The following BAZ1B variants were observed in gnomAD, a reference collection of about 807,000 sequenced individuals.
BAZ1B encodes the protein tyrosine-protein kinase BAZ1B.
BAZ1B carries 22 observed loss-of-function variants against 153.8 expected under a neutral mutation model. The observed-to-expected ratio is 0.14, with a 90% CI of 0.10 to 0.20. BAZ1B has a LOEUF of 0.20. BAZ1B is among the 10% of genes least tolerant of loss of function. BAZ1B has a pLI of 1.00. For synonymous variants in BAZ1B, 676 were observed against 633.4 expected (o/e 1.07, Z -1.01); for missense variants, 1,325 against 1,799.3 (o/e 0.74, Z 4.77).
At chr7:73,507,761 G>A (rs1250597408) in intron 3 of BAZ1B, among the ~76,000 whole-genome samples, 1 of 152,236 alleles carries the variant, frequency 6.6e-6, no homozygotes, top group East Asian at 1.9e-4. Flanking sequence ...CTACTCAGAA[G>A]GCTGAGGTGG....
intron 1 of BAZ1B, among the ~76,000 whole-genome samples, chr7:73,513,354 A>T (rs955059476): frequency 6.6e-6 from 1 of 152,258 alleles, no homozygotes; most frequent in Non-Finnish European, 1.5e-5. Flanking sequence ...AACTTTATGC[A>T]ATAGTATAAG....
chr7:73,445,063 T>G (rs1787781123), intron 16 of BAZ1B, among the ~76,000 whole-genome samples: 1 of 151,930 alleles, frequency 6.6e-6, no homozygotes, highest in African/African-American at 2.4e-5. Context: ...GCACTGAGAC[T>G]ACTTGTGTCT....
At position 73,440,992 on chromosome 7, in the gene BAZ1B, C is replaced by G. The variant is rs1554564664; in HGVS notation, c.*717G>C. 1 of 152,520 alleles carries G rather than the reference C, an allele frequency of 6.6e-6. No homozygotes were observed. The highest frequency in any genetic ancestry group is 2.1e-4 in the South Asian group (1 of 4,826). 9.4% of individuals were successfully genotyped at this position (152,520 alleles called of 1,614,324 possible). On this transcript the variant is annotated 3_prime_UTR_variant, in exon 20 of 20. Transcript: ENST00000339594. ...GAAGGGGCTCTCAGAGCTTCTCTGC[C>G]GCTCTCTCCTCCCACCCCCCACCGA...
chr7:73,505,723 G>C (rs573774254), intron 3 of BAZ1B, among the ~76,000 whole-genome samples: 3 of 152,148 alleles, frequency 2.0e-5, no homozygotes, highest in South Asian at 4.1e-4. Context: ...GCTAATTTTT[G>C]TATTTTTTGG....
Position 73,444,142 on chromosome 7 carries a change from C to G in BAZ1B, c.3845-13G>C, listed in dbSNP as rs781843021. On this transcript the variant is annotated splice_polypyrimidine_tract_variant and intron_variant, in intron 16 of 19. Transcript: ENST00000339594. Reference sequence around the variant, plus strand: ...TTTCGAGGTCTCACTGAAAGAAAAACTATGGATTCAGCAGAGAACAACGGA... The same window carrying G: ...TTTCGAGGTCTCACTGAAAGAAAAAGTATGGATTCAGCAGAGAACAACGGA... 6.3e-7 allele frequency: 1 copy of G among 1,586,272 alleles called. No individual in the cohort carries two copies. The highest frequency in any genetic ancestry group is 8.6e-7 in the Non-Finnish European group (1 of 1,167,522).
chr7:73,442,914 A>T, intron 17 of BAZ1B, 86 bp from the exon 18 acceptor site: 1 of 1,006,538 alleles, frequency 9.9e-7, no homozygotes, highest in South Asian at 1.4e-5. Context: ...ATCTGCTCAA[A>T]AAAGGAAGAG....
At chr7:73,466,861 T>C (rs1554571236) in intron 9 of BAZ1B, among the ~76,000 whole-genome samples, 1 of 152,210 alleles carries the variant, frequency 6.6e-6, no homozygotes, top group African/African-American at 2.4e-5. Context: ...TACGTGACTT[T>C]AACATAGATA....
Position 73,447,307 on chromosome 7 carries a change from T to C in BAZ1B, c.3801A>G (p.Glu1267=), listed in dbSNP as rs190533465. 11 of 1,612,938 alleles carry C rather than the reference T, an allele frequency of 6.8e-6. No homozygotes were observed. The highest frequency in any genetic ancestry group is 3.3e-5 in the Admixed American group (2 of 60,000). Residue 1267 remains glutamate (E), a synonymous_variant, in exon 16 of 20, where the codon GAA becomes GAG. Transcript: ENST00000339594. ...CATAATCTTCTTCCTCCTCCTCCTC[T>C]TCTTCCTCCTCCTCCTCTTCATCAC... is the stretch of plus-strand genomic sequence containing the variant. The part of the protein sequence containing the change: ...DESDEEEEEE[E]EEEEEEDYEV...
intron 1 of BAZ1B, among the ~76,000 whole-genome samples, chr7:73,516,772 CAAAAAAAAAAA>C (rs71517390): frequency 1.1e-4 from 6 of 53,468 alleles, no homozygotes; most frequent in Middle Eastern, 0.036. Context: ...GTGACTGTCT[CAAAAAAAAAAA>C]AAAAAAAAAA....
intron 16 of BAZ1B, among the ~76,000 whole-genome samples, chr7:73,444,860 C>G (rs922969891): frequency 2.0e-5 from 3 of 152,034 alleles, no homozygotes; most frequent in Non-Finnish European, 4.4e-5. Context: ...ACTAAAAATA[C>G]AAAATTAGCA....
chr7:73,511,857 C>T (rs1448578377), intron 1 of BAZ1B, among the ~76,000 whole-genome samples: 1 of 142,276 alleles, frequency 7.0e-6, no homozygotes, highest in Non-Finnish European at 1.5e-5. Context: ...CCCATCTCTA[C>T]TAAAAATCAA....
chr7:73,508,313 G>C lies in BAZ1B; in HGVS notation c.369+14C>G, dbSNP rs781954580. ...TCTGATGGTAAGTCAAATCAGAAACGAACAGGCACTCACCTCGAAGTCACA... is the reference window on the plus strand; with the variant it reads ...TCTGATGGTAAGTCAAATCAGAAACCAACAGGCACTCACCTCGAAGTCACA... On this transcript the variant is annotated intron_variant, in intron 3 of 19. Transcript: ENST00000339594. 6.2e-6 allele frequency: 10 copies of C among 1,610,302 alleles called. No homozygotes were observed. Among genetic ancestry groups the C allele is most frequent in the African/African-American group, 1.3e-5 (1 of 74,818 alleles).
chr7:73,471,602 G>A (rs1348629235), intron 7 of BAZ1B, among the ~76,000 whole-genome samples: 3 of 151,860 alleles, frequency 2.0e-5, no homozygotes, highest in African/African-American at 7.3e-5. Flanking sequence ...CTCCTGCCTC[G>A]GCCTCTCAAA....
intron 16 of BAZ1B, 122 bp downstream of exon 16, chr7:73,447,142 A>G: frequency 6.4e-7 from 1 of 1,561,872 alleles, no homozygotes; most frequent in African/African-American, 1.4e-5. Context: ...CGCCACAGTC[A>G]CAACACAAGA....
At chr7:73,491,280 C>T (rs570492011) in intron 5 of BAZ1B, among the ~76,000 whole-genome samples, 10 of 152,028 alleles carry the variant, frequency 6.6e-5, no homozygotes, top group African/African-American at 2.2e-4. Context: ...AACAAGACTC[C>T]GTCTCAAAAA....
chr7:73,508,751 C>T (rs1328650889), intron 2 of BAZ1B, among the ~76,000 whole-genome samples: 2 of 152,164 alleles, frequency 1.3e-5, no homozygotes, highest in Non-Finnish European at 2.9e-5. Context: ...CGGTGGCTCA[C>T]GCCTGTATTC....
intron 3 of BAZ1B, among the ~76,000 whole-genome samples, chr7:73,504,434 C>T (rs1343608018): frequency 6.6e-6 from 1 of 152,016 alleles, no homozygotes; most frequent in Non-Finnish European, 1.5e-5. Context: ...GAGGCCGAGG[C>T]GGGTGGATCA....
chr7:73,460,192 GAAAA>G (rs782211272), intron 12 of BAZ1B, among the ~76,000 whole-genome samples: 15 of 73,872 alleles, frequency 2.0e-4, no homozygotes, highest in African/African-American at 4.9e-4. Flanking sequence ...CCGTCTCAGG[GAAAA>G]AAAAAAAAAA....
In BAZ1B at chr7:73,489,232, G is replaced by C. The variant is rs781951390; in HGVS notation, c.853C>G (p.Pro285Ala). 6.2e-7 allele frequency: 1 copy of C among 1,614,158 alleles called. No homozygotes were observed. ...EDELVKKYSL[P>A]SKFSDFLLDP... is the part of the protein sequence containing the mutation. ...AGTAAAAAGTCACTGAACTTGCTGGGCAGAGAGTATTTCTTCACCAATTCA... is the reference window on the plus strand; with the variant it reads ...AGTAAAAAGTCACTGAACTTGCTGGCCAGAGAGTATTTCTTCACCAATTCA... The change falls in exon 6 of 20, where the codon CCC becomes GCC. Residue 285 changes from proline to alanine, a missense_variant. Physicochemically the swap from Pro to Ala is conservative, Grantham distance 27. Around this residue, in one of 9 missense-constraint regions of BAZ1B, gnomAD observed 219 missense variants for 248.2 expected, o/e 0.88. Coordinates refer to ENST00000339594, the MANE Select transcript of BAZ1B (RefSeq NM_032408.4).
Sources: allele counts gnomAD v4.1 joint callset (sites outside exome capture counted in the v4.1 genomes callset), GRCh38; gene constraint gnomAD v4.1.1; regional missense constraint gnomAD v4.1.1; transcripts MANE v1.5; gene names NCBI Gene and HGNC (gene_info 2026-07-23, HGNC 2026-07-21).